Variants in PIK3C3 observed in about 807,000 individuals in gnomAD.
The protein encoded by PIK3C3 is phosphatidylinositol 3-kinase catalytic subunit type 3, also known as PI3-kinase type 3.
In PIK3C3, 95 loss-of-function variants were observed where a neutral mutation model predicts 126.1. That is an observed-to-expected ratio of 0.75 (90% CI 0.64 to 0.89). The LOEUF (loss-of-function observed/expected upper bound fraction) is 0.89. Among genes scored for constraint, PIK3C3 ranks in the 40% least tolerant of loss-of-function variants. PIK3C3 has a pLI of 0.00. For synonymous variants in PIK3C3, 374 were observed against 360.0 expected (o/e 1.04, Z -0.44); for missense variants, 829 against 1,063.2 (o/e 0.78, Z 3.06).
chr18:41,962,348 G>A (rs1351428918), intron 2 of PIK3C3, 141 bp from the exon 3 acceptor site: 4 of 510,668 alleles, frequency 7.8e-6, no homozygotes, highest in Non-Finnish European at 1.3e-5. Context: ...CAAAATTGAG[G>A]TGACTGCCAT....
chr18:41,964,316 A>G (rs1391144500), intron 3 of PIK3C3, among the ~76,000 whole-genome samples: 1 of 152,142 alleles, frequency 6.6e-6, no homozygotes, highest in African/African-American at 2.4e-5. Context: ...GTATAGTGCT[A>G]TAGTGGTTAG....
chr18:42,057,065 C>CCG (rs34551238), intron 21 of PIK3C3, among the ~76,000 whole-genome samples: 3 of 142,506 alleles, frequency 2.1e-5, no homozygotes, highest in African/African-American at 7.7e-5. Flanking sequence ...TGAACCCCCC[C>CCG]CCCCGTGTTG....
chr18:41,988,985 A>G (rs940787389), intron 5 of PIK3C3, among the ~76,000 whole-genome samples: 1 of 152,194 alleles, frequency 6.6e-6, no homozygotes, highest in Admixed American at 6.6e-5. Flanking sequence ...GAAAGAAATT[A>G]CCATTACCAC....
chr18:42,057,630 C>T (rs902965909), intron 21 of PIK3C3: 3 of 388,786 alleles, frequency 7.7e-6, no homozygotes, highest in African/African-American at 4.3e-5. Flanking sequence ...TAGGATTTAA[C>T]ATTTTTAGAT....
intron 4 of PIK3C3, among the ~76,000 whole-genome samples, chr18:41,977,206 A>C (rs541769861): frequency 8.5e-4 from 129 of 152,310 alleles, no homozygotes; most frequent in Middle Eastern, 3.4e-3. Context: ...TGAATGATAT[A>C]TGGCTTCAGT....
chr18:42,001,223 GATA>G (rs758826120), intron 9 of PIK3C3, among the ~76,000 whole-genome samples: 4 of 152,226 alleles, frequency 2.6e-5, no homozygotes, highest in East Asian at 3.9e-4. Flanking sequence ...AATAATAACT[GATA>G]ATAAACTATT....
intron 24 of PIK3C3, among the ~76,000 whole-genome samples, chr18:42,076,134 A>ATATATATGTATGCACC (rs1985996155): frequency 1.1e-5 from 1 of 94,054 alleles, no homozygotes; most frequent in African/African-American, 5.7e-5. Flanking sequence ...GCATATATAT[A>ATATATATGTATGCACC]TATATATATG....
At chr18:41,977,935 C>T (rs640460) in intron 4 of PIK3C3, among the ~76,000 whole-genome samples, 12,657 of 152,156 alleles carry the variant, frequency 0.083, 1,720 homozygotes, top group African/African-American at 0.29. Context: ...GACACTGCTT[C>T]TCTAGACCAA....
chr18:42,015,466 A>C lies in PIK3C3; in HGVS notation c.1326-10A>C. Reference sequence around the variant, plus strand: ...TTACATCTCAGTGATCTCTTTTATTACTTTTTCAGCTCCCAAATTATAACC... The same window carrying C: ...TTACATCTCAGTGATCTCTTTTATTCCTTTTTCAGCTCCCAAATTATAACC... On this transcript the variant is annotated splice_polypyrimidine_tract_variant and intron_variant, in intron 11 of 24. Coordinates refer to ENST00000262039, the MANE Select transcript of PIK3C3 (RefSeq NM_002647.4). 6.2e-7 allele frequency: 1 copy of C among 1,603,948 alleles called. No homozygotes were observed. Among genetic ancestry groups the C allele is most frequent in the Non-Finnish European group, 8.5e-7 (1 of 1,171,272 alleles).
At chr18:41,991,878 GA>G (rs1271869144) in intron 6 of PIK3C3, among the ~76,000 whole-genome samples, 1 of 152,114 alleles carries the variant, frequency 6.6e-6, no homozygotes, top group African/African-American at 2.4e-5. Context: ...AAATGTGAGT[GA>G]AACTGTTCTG....
intron 9 of PIK3C3, among the ~76,000 whole-genome samples, chr18:42,003,102 A>G (rs1243096198): frequency 1.3e-5 from 2 of 152,214 alleles, no homozygotes; most frequent in Non-Finnish European, 2.9e-5. Context: ...ATACAATTTA[A>G]GCATTGAACT....
At position 42,019,039 on chromosome 18, in the gene PIK3C3, T is replaced by G. The variant is rs563780916; in HGVS notation, c.1417-1599T>G. ...GTTCTTCATGCCCCGCCTCCCAATC[T>G]CTAGATGACAATTCTGCCTCATACT... is the stretch of plus-strand genomic sequence containing the variant. On this transcript the variant is annotated intron_variant, in intron 12 of 24. Coordinates refer to ENST00000262039, the MANE Select transcript of PIK3C3 (RefSeq NM_002647.4). 2.6e-5 allele frequency among the ~76,000 whole-genome samples: 4 copies of G among 152,128 alleles called. No homozygotes were observed. The South Asian group carries it at 8.3e-4, about 32-fold the overall frequency.
Position 42,015,652 on chromosome 18 carries a change from TTAAA to T in PIK3C3, c.1416+90_1416+93del, listed in dbSNP as rs1414428031. On this transcript the variant is annotated intron_variant, in intron 12 of 24. Coordinates refer to ENST00000262039, the MANE Select transcript of PIK3C3 (RefSeq NM_002647.4). ...CTTGTCTTTAAAACCTCAATTTTGA[TTAAA>T]TAACTAAATATTACAACTTTATTAA... 4.6e-6 allele frequency: 4 copies of T among 869,802 alleles called. No individual in the cohort carries two copies. In the African/African-American group the frequency reaches 5.1e-5, roughly 11 times the overall value. 53.9% of individuals were successfully genotyped at this position (869,802 alleles called of 1,614,324 possible). A position where few individuals can be genotyped will look rare whatever the true frequency, so the allele number is the denominator to read the frequency against.
chr18:42,058,166 A>G lies in PIK3C3; in HGVS notation c.2432+115A>G, dbSNP rs184329781. 379 of 739,562 alleles carry G rather than the reference A, an allele frequency of 5.1e-4. No individual in the cohort carries two copies. The African/African-American group carries it at 6.4e-3, about 12-fold the overall frequency. 45.8% of individuals were successfully genotyped at this position (739,562 alleles called of 1,614,324 possible). On this transcript the variant is annotated intron_variant, in intron 22 of 24. Transcript: ENST00000262039. ...GCATTGATCACTTTTTCAAAATGAC[A>G]AAGGCAACAATATTTCCTATCTTAC...
chr18:42,076,151 T>TATATATATGCACATATATATATGCAC (rs1555643425), intron 24 of PIK3C3, among the ~76,000 whole-genome samples: 1 of 103,784 alleles, frequency 9.6e-6, no homozygotes, highest in Non-Finnish European at 1.8e-5. Flanking sequence ...TATGCGCATA[T>TATATATATGCACATATATATATGCAC]ATATATATAT....
intron 16 of PIK3C3, among the ~76,000 whole-genome samples, chr18:42,036,978 A>T (rs1186539992): frequency 1.3e-5 from 2 of 152,230 alleles, no homozygotes; most frequent in African/African-American, 4.8e-5. Flanking sequence ...ATTACTAAAA[A>T]TATTGTGTAA....
chr18:42,043,804 C>T lies in PIK3C3; in HGVS notation c.2175C>T (p.Tyr725=), dbSNP rs748610547. Residue 725 remains tyrosine, a synonymous_variant, in exon 20 of 25, where the codon TAC becomes TAT. Transcript: ENST00000262039. The stretch of plus-strand genomic sequence containing the variant: ...TTAGTGCTGAGGTCATGGACACTTA[C>T]GTTAAAAGCTGTGGTAAGTTTTTCA... The part of the protein sequence containing the change: ...NGISAEVMDT[Y]VKSCAGYCVI... 39 of 1,611,086 alleles carry T rather than the reference C, an allele frequency of 2.4e-5. No homozygotes were observed. Among genetic ancestry groups the T allele is most frequent in the African/African-American group, 4.0e-5 (3 of 74,946 alleles).
intron 1 of PIK3C3, 60 bp downstream of exon 1, chr18:41,955,419 G>A: frequency 7.0e-7 from 1 of 1,426,916 alleles, no homozygotes; most frequent in Non-Finnish European, 9.8e-7. Flanking sequence ...TGGGGGCAGG[G>A]GCCTGTTGGG....
chr18:42,049,035 T>G (rs1383684461), intron 20 of PIK3C3, among the ~76,000 whole-genome samples: 3 of 152,218 alleles, frequency 2.0e-5, no homozygotes, highest in Non-Finnish European at 4.4e-5. Context: ...TCTTAATGCT[T>G]TAGAAGATTA....
Sources: gnomAD v4.1 joint callset for allele counts (sites outside exome capture counted in the v4.1 genomes callset) on GRCh38, gnomAD v4.1.1 for gene constraint, MANE v1.5 for transcripts, NCBI Gene and HGNC (gene_info 2026-07-23, HGNC 2026-07-21) for gene names.